The following NRXN3 variants were observed in gnomAD, a reference collection of about 807,000 sequenced individuals.
The protein encoded by NRXN3 is neurexin III.
A neutral mutation model predicts 137.6 loss-of-function variants in NRXN3; 32 were observed. That is an observed-to-expected ratio of 0.23 (90% CI 0.18 to 0.31). The LOEUF (loss-of-function observed/expected upper bound fraction) is 0.31. NRXN3 is among the 10% of genes least tolerant of loss of function. The probability of loss-of-function intolerance (pLI) is 1.00; values close to 1 mark genes in which losing one functional copy is unlikely to be tolerated. For missense variants in NRXN3, 1,574 were observed against 2,062.5 expected (o/e 0.76, Z 4.59); for synonymous variants, 798 against 784.5 (o/e 1.02, Z -0.29).
chr14:79,111,129 T>C (rs974990483), intron 15 of NRXN3, among the ~76,000 whole-genome samples: 1 of 151,906 alleles, frequency 6.6e-6, no homozygotes, highest in African/African-American at 2.4e-5. Context: ...AAATTGAGAA[T>C]GGAGAAGGGA....
At chr14:79,102,364 G>T (rs772879749) in intron 15 of NRXN3, among the ~76,000 whole-genome samples, 27 of 152,136 alleles carry the variant, frequency 1.8e-4, no homozygotes, top group Non-Finnish European at 3.2e-4. Context: ...ATCTCACCCT[G>T]CTAAGCTTAC....
chr14:79,385,516 A>C (rs1232768780), intron 15 of NRXN3, among the ~76,000 whole-genome samples: 1 of 152,048 alleles, frequency 6.6e-6, no homozygotes, highest in Non-Finnish European at 1.5e-5. Flanking sequence ...TTAAGTGGCT[A>C]ATGCAGTTTG....
intron 4 of NRXN3, among the ~76,000 whole-genome samples, chr14:78,319,571 AC>A (rs761781073): frequency 6.6e-6 from 1 of 151,954 alleles, no homozygotes. Flanking sequence ...CCCAAGTCCC[AC>A]CCCCTTGCCC....
chr14:78,628,445 A>T (rs1191101430), intron 4 of NRXN3, among the ~76,000 whole-genome samples: 1 of 152,218 alleles, frequency 6.6e-6, no homozygotes, highest in South Asian at 2.1e-4. Context: ...CCTGAAAAAT[A>T]TGACATGCTA....
At chr14:78,656,887 C>G (rs1443591778) in intron 6 of NRXN3, among the ~76,000 whole-genome samples, 2 of 151,676 alleles carry the variant, frequency 1.3e-5, no homozygotes, top group African/African-American at 2.4e-5. Flanking sequence ...ACTAAAAATA[C>G]AAAATCAAAA....
intron 4 of NRXN3, among the ~76,000 whole-genome samples, chr14:78,434,125 G>C (rs867416706): frequency 6.6e-6 from 1 of 152,092 alleles, no homozygotes; most frequent in African/African-American, 2.4e-5. Flanking sequence ...GTAATTTATC[G>C]AAATGTTGTA....
chr14:78,876,763 T>G (rs991131202), intron 10 of NRXN3, among the ~76,000 whole-genome samples: 1 of 152,210 alleles, frequency 6.6e-6, no homozygotes, highest in African/African-American at 2.4e-5. Flanking sequence ...GATAGGTTCC[T>G]AATGACACTT....
At position 78,243,102 on chromosome 14, in the gene NRXN3, C is replaced by T; in HGVS notation, c.9C>T (p.Ser3=). The change falls in exon 2 of 21, where the codon TCC becomes TCT. Residue 3 remains serine, a synonymous_variant. Transcript: ENST00000335750. This position sits in a 1 kb window ranked among gnomAD's most constrained non-coding sequence, Gnocchi z 4.2. Reference sequence around the variant, plus strand: ...CTGTCCCAGCAGCGACAATGAGCTCCACACTCCACTCGGTTTTCTTCACCC... The same window carrying T: ...CTGTCCCAGCAGCGACAATGAGCTCTACACTCCACTCGGTTTTCTTCACCC... MS[S]TLHSVFFTLK... 6.5e-7 allele frequency: 1 copy of T among 1,527,352 alleles called. No individual in the cohort carries two copies. The highest frequency in any genetic ancestry group is 8.7e-7 in the Non-Finnish European group (1 of 1,143,452). 94.6% of individuals were successfully genotyped at this position (1,527,352 alleles called of 1,614,324 possible). A position where few individuals can be genotyped will look rare whatever the true frequency, so the allele number is the denominator to read the frequency against.
chr14:78,654,741 G>A (rs1263578514), intron 6 of NRXN3, among the ~76,000 whole-genome samples: 2 of 152,188 alleles, frequency 1.3e-5, no homozygotes, highest in Admixed American at 6.5e-5. Context: ...TAGTGTGTCT[G>A]TCTCATGTTT....
In NRXN3 at chr14:78,722,664, T is replaced by G. The variant is rs186962663; in HGVS notation, c.2044+7525T>G. Among the ~76,000 whole-genome samples, 53 of 152,344 alleles carry G rather than the reference T, an allele frequency of 3.5e-4. No homozygotes were observed. In the Middle Eastern group the frequency reaches 0.014, roughly 39 times the overall value. On this transcript the variant is annotated intron_variant, in intron 8 of 20. Coordinates refer to ENST00000335750, the MANE Select transcript of NRXN3 (RefSeq NM_001330195.2). ...TAACCCTCACATCCACTCTGCAGAC[T>G]GCATATTATTATCCTCACTTTCTAC...
intron 4 of NRXN3, among the ~76,000 whole-genome samples, chr14:78,499,441 A>G (rs558274598): frequency 1.3e-5 from 2 of 152,342 alleles, no homozygotes; most frequent in East Asian, 1.9e-4. Flanking sequence ...ACTGCTCACT[A>G]TAACAGAGAA....
At chr14:79,376,210 GTATGTA>G (rs1273818633) in intron 15 of NRXN3, among the ~76,000 whole-genome samples, 5 of 40,792 alleles carry the variant, frequency 1.2e-4, no homozygotes, top group South Asian at 8.6e-4. Context: ...GTGTGTGTGT[GTATGTA>G]TATATATATA....
chr14:79,491,977 G>C (rs2096721599), intron 16 of NRXN3, among the ~76,000 whole-genome samples: 1 of 152,116 alleles, frequency 6.6e-6, no homozygotes, highest in Admixed American at 6.5e-5. Flanking sequence ...AATCATAATT[G>C]TGACTCAGAC....
chr14:78,273,790 CT>C (rs748153936), intron 2 of NRXN3, among the ~76,000 whole-genome samples: 2 of 152,224 alleles, frequency 1.3e-5, no homozygotes, highest in Non-Finnish European at 2.9e-5. Flanking sequence ...GCATTTTCCC[CT>C]GTGCCAGCAC....
At chr14:78,948,582 T>C (rs949056566) in intron 10 of NRXN3, among the ~76,000 whole-genome samples, 1 of 151,392 alleles carries the variant, frequency 6.6e-6, no homozygotes, top group Non-Finnish European at 1.5e-5. Context: ...CGCATACAAA[T>C]ATGATATTTT....
chr14:79,074,076 C>T (rs1252210869), intron 15 of NRXN3, among the ~76,000 whole-genome samples: 1 of 152,196 alleles, frequency 6.6e-6, no homozygotes, highest in Non-Finnish European at 1.5e-5. Flanking sequence ...TTACCTTCCA[C>T]ATCGTAGGTA....
chr14:79,365,725 C>CAAAAAAAAAAAAAAAAAAAAAAAAAAA (rs569855024), intron 15 of NRXN3, among the ~76,000 whole-genome samples: 3 of 42,404 alleles, frequency 7.1e-5, no homozygotes, highest in Non-Finnish European at 1.2e-4. Flanking sequence ...GACTCTGTCT[C>CAAAAAAAAAAAAAAAAAAAAAAAAAAA]AAAAAAAAAA....
At chr14:78,566,139 G>T (rs76019172) in intron 4 of NRXN3, among the ~76,000 whole-genome samples, 1 of 151,972 alleles carries the variant, frequency 6.6e-6, no homozygotes, top group East Asian at 1.9e-4. Context: ...AGCTCATGCC[G>T]GCTCTCCCAC....
rs145309231 is a variant in NRXN3 at position 79,395,573 on chromosome 14, C to A, written c.3263-71648C>A. Among the ~76,000 whole-genome samples, 1,305 of 151,916 alleles carry A rather than the reference C, an allele frequency of 8.6e-3. 13 individuals are homozygous for A. The highest frequency in any genetic ancestry group is 0.03 in the African/African-American group (1,230 of 41,448). ...CCTGTAATCCCAGCACTTTGGGAGG[C>A]CGAGATGGGCAGATCATGAGGTCAG... On this transcript the variant is annotated intron_variant, in intron 15 of 20. Transcript: ENST00000335750.
Sources: gnomAD v4.1 joint callset for allele counts (sites outside exome capture counted in the v4.1 genomes callset) on GRCh38, gnomAD v4.1.1 for gene constraint, Gnocchi (gnomAD v3.1) non-coding constraint, MANE v1.5 for transcripts, NCBI Gene and HGNC (gene_info 2026-07-23, HGNC 2026-07-21) for gene names.